PLPPR1: variants seen among roughly 807,000 people sequenced by gnomAD.
PLPPR1 encodes phospholipid phosphatase-related protein type 1.
PLPPR1 carries 10 observed loss-of-function variants against 33.1 expected under a neutral mutation model. The observed-to-expected ratio is 0.30, with a 90% confidence interval of 0.19 to 0.51. The LOEUF is 0.51. Ranked by LOEUF, PLPPR1 falls within the 20% of genes least tolerant of loss-of-function variation. The pLI is 0.97. For missense variants in PLPPR1, 304 were observed against 408.1 expected, an observed-to-expected ratio of 0.74 and a Z score of 2.20; for synonymous variants, 151 against 151.0, an observed-to-expected ratio of 1.00 and a Z score of 0.00.
chr9:101,235,459 C>T (rs1257231222), intron 2 of PLPPR1, among the ~76,000 whole-genome samples: 1 of 151,830 alleles, frequency 6.6e-6, no homozygotes, highest in East Asian at 1.9e-4. Context: ...ATATTAGTCT[C>T]TCTTTAACAA....
At chr9:101,246,362 G>A (rs1356307336) in intron 2 of PLPPR1, among the ~76,000 whole-genome samples, 1 of 151,878 alleles carries the variant, frequency 6.6e-6, no homozygotes, top group Non-Finnish European at 1.5e-5. Context: ...GGGACACACA[G>A]GCTTAAACCA....
intron 4 of PLPPR1, among the ~76,000 whole-genome samples, chr9:101,300,126 G>A (rs534124303): frequency 6.6e-6 from 1 of 152,052 alleles, no homozygotes; most frequent in East Asian, 1.9e-4. Flanking sequence ...TAGTTTCAAA[G>A]CTTTCTATAA....
intron 1 of PLPPR1, among the ~76,000 whole-genome samples, chr9:101,069,139 G>GA (rs11427463): frequency 0.62 from 93,050 of 149,682 alleles, 28,805 homozygotes; most frequent in African/African-American, 0.68. Flanking sequence ...ATTTGTTTAG[G>GA]AAAAAAAAAA....
At chr9:101,186,064 A>T (rs190380260) in intron 2 of PLPPR1, among the ~76,000 whole-genome samples, 1 of 151,900 alleles carries the variant, frequency 6.6e-6, no homozygotes, top group East Asian at 1.9e-4. Context: ...TGTGCAATGT[A>T]TGATTTCTTT....
intron 2 of PLPPR1, among the ~76,000 whole-genome samples, chr9:101,254,761 A>G (rs988430527): frequency 1.3e-5 from 2 of 152,178 alleles, no homozygotes; most frequent in Admixed American, 6.5e-5. Context: ...TTTAACAATT[A>G]TGTAATATTC....
Position 101,028,888 on chromosome 9 carries a change from C to T in PLPPR1, c.-260C>T, listed in dbSNP as rs1829901704. 6.6e-6 allele frequency: 1 copy of T among 152,362 alleles called. No homozygotes were observed. 9.4% of individuals were successfully genotyped at this position (152,362 alleles called of 1,614,324 possible). A position where few individuals can be genotyped will look rare whatever the true frequency, so the allele number is the denominator to read the frequency against. ...CACCTCCGCCCCACGGGCGCGCGCA[C>T]AAACACGGACACACACATACACACA... is the stretch of plus-strand genomic sequence containing the variant. On this transcript the variant is annotated 5_prime_UTR_variant, in exon 1 of 8. Transcript: ENST00000374874.
chr9:101,075,258 C>T (rs1395488161), intron 1 of PLPPR1, among the ~76,000 whole-genome samples: 2 of 152,126 alleles, frequency 1.3e-5, no homozygotes, highest in Admixed American at 1.3e-4. Context: ...ATAATAGCCT[C>T]ACATCAAAAT....
chr9:101,246,492 A>G (rs1248968652), intron 2 of PLPPR1, among the ~76,000 whole-genome samples: 1 of 151,992 alleles, frequency 6.6e-6, no homozygotes, highest in Non-Finnish European at 1.5e-5. Context: ...TTATTGGTAG[A>G]TACTATTGTT....
chr9:101,277,268 G>T (rs1440168895), intron 3 of PLPPR1, among the ~76,000 whole-genome samples: 6 of 152,178 alleles, frequency 3.9e-5, no homozygotes, highest in African/African-American at 1.4e-4. Flanking sequence ...AGTATATAAA[G>T]AACTCTCTCC....
At chr9:101,305,434 C>T (rs1178137190) in intron 4 of PLPPR1, among the ~76,000 whole-genome samples, 1 of 152,112 alleles carries the variant, frequency 6.6e-6, no homozygotes, top group Non-Finnish European at 1.5e-5. Flanking sequence ...CAGCAAAGTG[C>T]CTTTTTGACT....
intron 2 of PLPPR1, among the ~76,000 whole-genome samples, chr9:101,215,426 G>A (rs771390686): frequency 2.6e-5 from 4 of 152,026 alleles, no homozygotes; most frequent in Admixed American, 1.3e-4. Flanking sequence ...ATCACAGGGC[G>A]TGCGCCACCA....
At chr9:101,068,038 G>A (rs182191661) in intron 1 of PLPPR1, among the ~76,000 whole-genome samples, 92 of 152,148 alleles carry the variant, frequency 6.0e-4, no homozygotes, top group Non-Finnish European at 1.2e-3. Flanking sequence ...GGTGTCTAAA[G>A]TACACATTAG....
In PLPPR1 at chr9:101,309,454, A is replaced by G; in HGVS notation, c.629A>G (p.Tyr210Cys). Reference protein sequence around the residue: ...HAALSIYSALYATMYITSTIK... With the variant: ...HAALSIYSALCATMYITSTIK... ...GCTCTGAGCATTTACTCCGCCTTAT[A>G]TGCCACGGTGAGTGTGCAAGTCTTG... The change falls in exon 5 of 8, where the codon TAT becomes TGT. Residue 210 changes from tyrosine (Y) to cysteine (C), a missense_variant. Physicochemically the swap from Tyr to Cys is radical, Grantham distance 194 (BLOSUM62 -2). Coordinates refer to ENST00000374874, the MANE Select transcript of PLPPR1 (RefSeq NM_207299.2). 6.2e-7 allele frequency: 1 copy of G among 1,613,978 alleles called. No individual in the cohort carries two copies. The highest frequency in any genetic ancestry group is 8.5e-7 in the Non-Finnish European group (1 of 1,179,924).
chr9:101,072,116 T>C (rs7027050), intron 1 of PLPPR1, among the ~76,000 whole-genome samples: 5,920 of 152,086 alleles, frequency 0.039, 175 homozygotes, highest in East Asian at 0.082. Context: ...ATTAGTTAGA[T>C]AGCCTATTTA....
At chr9:101,030,176 G>A (rs1829927206) in intron 1 of PLPPR1, among the ~76,000 whole-genome samples, 1 of 151,896 alleles carries the variant, frequency 6.6e-6, no homozygotes, top group Admixed American at 6.6e-5. Context: ...CGCTGCACCC[G>A]GGAAAAGCGT....
At chr9:101,178,005 A>C (rs1047703633) in intron 1 of PLPPR1, among the ~76,000 whole-genome samples, 14 of 152,234 alleles carry the variant, frequency 9.2e-5, no homozygotes, top group Non-Finnish European at 1.5e-4. Context: ...AAATGTAAAT[A>C]TAAAAGACAT....
rs16919988 is a variant in PLPPR1, at chr9:101,160,360, A to G, written c.-45-25090A>G. Among the ~76,000 whole-genome samples, 962 of 152,288 alleles carry G rather than the reference A, an allele frequency of 6.3e-3. 10 individuals carry two copies. The highest frequency in any genetic ancestry group is 0.022 in the African/African-American group (901 of 41,556). ...AAGGGTTGTTGTGGAGACCACATGA[A>G]GACATTGATGTAACTCTGCCTGGCA... On this transcript the variant is annotated intron_variant, in intron 1 of 7. Transcript: ENST00000374874.
intron 4 of PLPPR1, among the ~76,000 whole-genome samples, chr9:101,298,250 T>C (rs955864532): frequency 6.6e-6 from 1 of 152,162 alleles, no homozygotes; most frequent in Non-Finnish European, 1.5e-5. Flanking sequence ...ACACAGTTGA[T>C]CCATTATTAC....
At chr9:101,316,385 C>T (rs967464394) in intron 6 of PLPPR1, among the ~76,000 whole-genome samples, 9 of 150,952 alleles carry the variant, frequency 6.0e-5, no homozygotes, top group African/African-American at 2.0e-4. Context: ...TGCAGTGAGC[C>T]GAGATCGTAC....
Sources: allele counts gnomAD v4.1 joint callset (sites outside exome capture counted in the v4.1 genomes callset), GRCh38; gene constraint gnomAD v4.1.1; transcripts MANE v1.5; gene names NCBI Gene and HGNC (gene_info 2026-07-23, HGNC 2026-07-21).